MZT2B: variants seen among roughly 807,000 people sequenced by gnomAD.
MZT2B encodes the protein mitotic spindle organizing protein 2B.
MZT2B carries 11 observed loss-of-function variants against 12.1 expected under a neutral mutation model. The ratio of observed to expected loss-of-function variants is 0.91; its 90% CI spans 0.57 to 1.50. MZT2B has a LOEUF of 1.50. Among genes scored for constraint, MZT2B ranks in the 40% most tolerant of loss-of-function variants. The probability of loss-of-function intolerance (pLI) is 0.00; values close to 1 mark genes in which losing one functional copy is unlikely to be tolerated. For synonymous variants in MZT2B, 85 were observed against 109.5 expected (o/e 0.78, Z 1.40); for missense variants, 209 against 227.7 (o/e 0.92, Z 0.53).
At chr2:130,204,704 A>C in the MZT2B span, among the ~76,000 whole-genome samples, 1 of 56,816 alleles carries the variant, frequency 1.8e-5, no homozygotes, top group Non-Finnish European at 3.8e-5. Context: ...AAAAAAAAAA[A>C]GGGGGGGTGG....
chr2:130,188,456 A>G (rs1252033666), intron 2 of MZT2B, among the ~76,000 whole-genome samples: 5 of 152,172 alleles, frequency 3.3e-5, no homozygotes, highest in Admixed American at 6.5e-5. Context: ...GGCAGTTTGT[A>G]CCACAAGAGA....
upstream of MZT2B, chr2:130,181,752 C>G: frequency 1.9e-6 from 3 of 1,548,328 alleles, no homozygotes; most frequent in East Asian, 2.4e-5. Context: ...AGGGAGTGGT[C>G]CTTAGCTGAA....
chr2:130,188,850 G>C (rs1189999300), intron 2 of MZT2B, among the ~76,000 whole-genome samples: 1 of 150,612 alleles, frequency 6.6e-6, no homozygotes, highest in Non-Finnish European at 1.5e-5. Flanking sequence ...CTTGTTCAGG[G>C]TGACAGATGG....
chr2:130,182,276 C>T lies in MZT2B; in HGVS notation c.-7C>T, dbSNP rs1417510856. 1.8e-5 allele frequency: 24 copies of T among 1,311,710 alleles called. No individual in the cohort carries two copies. Among genetic ancestry groups the T allele is most frequent in the Non-Finnish European group, 2.1e-5 (22 of 1,039,776 alleles). The allele number at this position is 1,311,710 out of a possible 1,614,324, so 81.3% of individuals were successfully genotyped here. A position where few individuals can be genotyped will look rare whatever the true frequency, so the allele number is the denominator to read the frequency against. ...GGGCGGAGCGCACCTTTCCGCGGGC[C>T]GCGGGGATGGCGGCGCAGGGCGTAG... On this transcript the variant is annotated 5_prime_UTR_variant, in exon 1 of 3. Coordinates refer to ENST00000281871, the MANE Select transcript of MZT2B (RefSeq NM_025029.5).
At chr2:130,189,479 TG>T (rs1457974168) in intron 2 of MZT2B, among the ~76,000 whole-genome samples, 1 of 151,888 alleles carries the variant, frequency 6.6e-6, no homozygotes, top group Non-Finnish European at 1.5e-5. Context: ...GGGGATGAAA[TG>T]GGGGACCCAA....
chr2:130,196,280 G>A, the MZT2B span: 1 of 1,614,040 alleles, frequency 6.2e-7, no homozygotes, highest in African/African-American at 1.3e-5. Flanking sequence ...TTGACCATCG[G>A]GCTGAATTCC....
chr2:130,186,443 G>A (rs1409914100), intron 2 of MZT2B, among the ~76,000 whole-genome samples: 4 of 152,204 alleles, frequency 2.6e-5, no homozygotes, highest in African/African-American at 9.7e-5. Context: ...ATTCAGTCAA[G>A]CGTTCTATTT....
downstream of MZT2B, chr2:130,194,120 G>T: frequency 6.2e-7 from 1 of 1,614,190 alleles, no homozygotes; most frequent in Non-Finnish European, 8.5e-7. Flanking sequence ...AAATCGCAGG[G>T]AGGCCGTGAT....
intron 2 of MZT2B, chr2:130,183,489 C>T: frequency 3.9e-6 from 2 of 512,434 alleles, no homozygotes; most frequent in Non-Finnish European, 3.6e-6. Context: ...ATGGTGGAGC[C>T]TCTGTCCCTG....
chr2:130,197,579 G>A, the MZT2B span, among the ~76,000 whole-genome samples: 1 of 127,198 alleles, frequency 7.9e-6, no homozygotes, highest in African/African-American at 2.7e-5. Context: ...TCAGACTTGG[G>A]ACTTGGGAAT....
At chr2:130,189,148 A>G (rs1690169624) in intron 2 of MZT2B, among the ~76,000 whole-genome samples, 1 of 152,118 alleles carries the variant, frequency 6.6e-6, no homozygotes, top group Admixed American at 6.5e-5. Flanking sequence ...AGCATTTGTT[A>G]GGGAGCTTAC....
intron 2 of MZT2B, 108 bp downstream of exon 2, chr2:130,182,883 C>T (rs1689827246): frequency 1.4e-5 from 21 of 1,470,514 alleles, no homozygotes; most frequent in Middle Eastern, 2.5e-4. Flanking sequence ...GCCTGTCTGT[C>T]GGTCTAGGCC....
the MZT2B span, chr2:130,196,387 T>G: frequency 6.2e-7 from 1 of 1,609,312 alleles, no homozygotes; most frequent in Non-Finnish European, 8.5e-7. Flanking sequence ...AACCGGAACA[T>G]AAATGTGAAC....
At chr2:130,203,052 T>TC in the MZT2B span, among the ~76,000 whole-genome samples, 2,859 of 135,810 alleles carry the variant, frequency 0.021, no homozygotes, top group African/African-American at 0.086. Context: ...TTTTTTCTTT[T>TC]TTTTTTTTTT....
At chr2:130,190,862 C>G (rs1690241804), downstream of MZT2B, 9 of 947,196 alleles carry the variant, frequency 9.5e-6, no homozygotes, top group Non-Finnish European at 1.1e-5. Flanking sequence ...CTTCCTGAAC[C>G]TGATTTGGGT....
chr2:130,183,944 C>T, intron 2 of MZT2B: 2 of 1,550,574 alleles, frequency 1.3e-6, no homozygotes, highest in South Asian at 1.2e-5. Context: ...GCCTCTCTTG[C>T]TGCCTGTTCT....
downstream of MZT2B, chr2:130,194,298 C>T (rs1690350587): frequency 2.5e-6 from 4 of 1,611,078 alleles, no homozygotes; most frequent in Non-Finnish European, 3.4e-6. Flanking sequence ...TAGGGCTCCA[C>T]CACGGCTGTG....
intron 2 of MZT2B, among the ~76,000 whole-genome samples, chr2:130,186,000 C>T (rs1207797851): frequency 6.6e-6 from 1 of 152,092 alleles, no homozygotes. Flanking sequence ...TGTGGGGCCA[C>T]ACCAGGAGTG....
chr2:130,186,123 CTG>C (rs1364773850), intron 2 of MZT2B, among the ~76,000 whole-genome samples: 1 of 151,726 alleles, frequency 6.6e-6, no homozygotes, highest in Non-Finnish European at 1.5e-5. Flanking sequence ...ATGGCAGAAT[CTG>C]GGGTGGAGGA....
Sources: allele counts gnomAD v4.1 joint callset (sites outside exome capture counted in the v4.1 genomes callset), GRCh38; gene constraint gnomAD v4.1.1; transcripts MANE v1.5; gene names NCBI Gene and HGNC (gene_info 2026-07-23, HGNC 2026-07-21).